Variants in PTPRD observed in about 807,000 individuals in gnomAD.
The protein encoded by PTPRD is protein tyrosine phosphatase receptor type D, also known as receptor-type tyrosine-protein phosphatase delta.
In PTPRD, 34 loss-of-function variants were observed where a neutral mutation model predicts 214.5. The ratio of observed to expected loss-of-function variants is 0.16; its 90% CI spans 0.12 to 0.21. The LOEUF is 0.21. PTPRD is among the 10% of genes least tolerant of loss of function. PTPRD has a pLI of 1.00. For missense variants in PTPRD, 2,545 were observed against 2,398.7 expected (o/e 1.06, Z -1.27); for synonymous variants, 1,128 against 845.7 (o/e 1.33, Z -5.79).
intron 12 of PTPRD, among the ~76,000 whole-genome samples, chr9:8,676,722 C>T (rs1285313107): frequency 7.9e-5 from 12 of 152,226 alleles, no homozygotes; most frequent in African/African-American, 1.4e-4. Context: ...TACAGGCATG[C>T]GCCACCATGC....
intron 9 of PTPRD, among the ~76,000 whole-genome samples, chr9:9,263,222 T>C (rs1449650753): frequency 2.0e-5 from 3 of 151,712 alleles, no homozygotes; most frequent in Non-Finnish European, 4.4e-5. Context: ...TGACTCTTTT[T>C]ATTATGTACT....
chr9:8,783,206 T>C lies in PTPRD; in HGVS notation c.-103-49260A>G, dbSNP rs180838106. On this transcript the variant is annotated intron_variant, in intron 11 of 45. Transcript: ENST00000381196. ...CATTTTAAAGTCAGAACAAAAAAAG[T>C]TCAAAATGATTGTAATTATATAAAA... Among the ~76,000 whole-genome samples the C allele has an allele frequency of 3.6e-3, 542 of 152,256 alleles. 5 individuals carry two copies. The highest frequency in any genetic ancestry group is 0.012 in the African/African-American group (499 of 41,542).
intron 8 of PTPRD, among the ~76,000 whole-genome samples, chr9:9,561,783 T>C (rs2083025856): frequency 6.6e-6 from 1 of 152,220 alleles, no homozygotes; most frequent in African/African-American, 2.4e-5. Flanking sequence ...TCACATACTT[T>C]TCTTTCTCTT....
intron 14 of PTPRD, among the ~76,000 whole-genome samples, chr9:8,581,733 C>A (rs931780289): frequency 1.4e-5 from 2 of 147,406 alleles, no homozygotes; most frequent in Admixed American, 1.4e-4. Flanking sequence ...GACGACAGAG[C>A]GAGACTCCAT....
chr9:8,933,083 A>G (rs556278979), intron 11 of PTPRD, among the ~76,000 whole-genome samples: 4 of 152,032 alleles, frequency 2.6e-5, no homozygotes, highest in African/African-American at 4.8e-5. Context: ...ACCGTTCCTC[A>G]TGGCACAGTC....
chr9:9,470,518 T>G (rs2094515192), intron 8 of PTPRD, among the ~76,000 whole-genome samples: 1 of 152,208 alleles, frequency 6.6e-6, no homozygotes, highest in African/African-American at 2.4e-5. Context: ...TTTAGTCAAC[T>G]GATAGAGTTG....
chr9:9,080,516 G>A (rs779312692), intron 10 of PTPRD, among the ~76,000 whole-genome samples: 2 of 151,860 alleles, frequency 1.3e-5, no homozygotes, highest in Non-Finnish European at 2.9e-5. Context: ...CTTTTTTGAG[G>A]TTGGTAAAAT....
At chr9:8,329,202 A>C (rs186067134) in intron 44 of PTPRD, among the ~76,000 whole-genome samples, 81 of 152,048 alleles carry the variant, frequency 5.3e-4, no homozygotes, top group African/African-American at 1.7e-3. Context: ...GGTGACCTTC[A>C]GATGGGGTCT....
chr9:9,923,901 T>A (rs747122777), intron 5 of PTPRD, among the ~76,000 whole-genome samples: 10 of 151,058 alleles, frequency 6.6e-5, no homozygotes, highest in Non-Finnish European at 1.5e-4. Flanking sequence ...AGACAGGGAG[T>A]CTTAGAGAGC....
intron 10 of PTPRD, among the ~76,000 whole-genome samples, chr9:9,132,257 C>T (rs913935841): frequency 1.6e-4 from 25 of 152,168 alleles, no homozygotes; most frequent in Admixed American, 5.9e-4. Flanking sequence ...GATCCGCCCG[C>T]TTCGGCCTCC....
At position 8,485,743 on chromosome 9, in the gene PTPRD, G is replaced by A. The variant is rs200119622; in HGVS notation, c.3055+19C>T. Reference sequence around the variant, plus strand: ...GACAATCCTTTAAAGGAGGAAGGCCGTAAGCAGACAAATCCTACCTTGATC... The same window carrying A: ...GACAATCCTTTAAAGGAGGAAGGCCATAAGCAGACAAATCCTACCTTGATC... On this transcript the variant is annotated intron_variant, in intron 28 of 45. Coordinates refer to ENST00000381196, the MANE Select transcript of PTPRD (RefSeq NM_002839.4). 7.5e-4 allele frequency: 1,185 copies of A among 1,587,176 alleles called. No individual in the cohort carries two copies. Among genetic ancestry groups the A allele is most frequent in the African/African-American group, 1.7e-3 (127 of 74,352 alleles).
intron 39 of PTPRD, among the ~76,000 whole-genome samples, chr9:8,366,758 G>A (rs2079997868): frequency 1.3e-5 from 2 of 152,164 alleles, no homozygotes; most frequent in Admixed American, 1.3e-4. Context: ...GGGGCTTATT[G>A]TTTGGAACTG....
At chr9:9,181,059 G>C (rs1373839573) in intron 10 of PTPRD, among the ~76,000 whole-genome samples, 1 of 152,026 alleles carries the variant, frequency 6.6e-6, no homozygotes, top group Non-Finnish European at 1.5e-5. Context: ...GAAAGGTTTA[G>C]GTTGGAGTTC....
chr9:9,683,221 G>A (rs2097107234), intron 7 of PTPRD, among the ~76,000 whole-genome samples: 1 of 151,748 alleles, frequency 6.6e-6, no homozygotes, highest in Admixed American at 6.6e-5. Flanking sequence ...GTGACCTGTT[G>A]TTAATTAAGA....
At chr9:10,047,000 A>C (rs1256703185) in intron 3 of PTPRD, among the ~76,000 whole-genome samples, 2 of 151,980 alleles carry the variant, frequency 1.3e-5, no homozygotes, top group African/African-American at 2.4e-5. Context: ...ATTCAATTTT[A>C]AATGCCAAGG....
intron 5 of PTPRD, among the ~76,000 whole-genome samples, chr9:9,851,044 T>A (rs1470362517): frequency 6.6e-6 from 1 of 152,206 alleles, no homozygotes; most frequent in East Asian, 1.9e-4. Flanking sequence ...TAACTTCAGA[T>A]TCTTTATCTG....
intron 3 of PTPRD, among the ~76,000 whole-genome samples, chr9:10,098,244 C>CA (rs1302848980): frequency 1.4e-5 from 2 of 146,674 alleles, no homozygotes; most frequent in African/African-American, 2.5e-5. Flanking sequence ...ATCGCAAGGA[C>CA]AAAAAACCAA....
chr9:10,000,950 T>G (rs1473005513), intron 4 of PTPRD, among the ~76,000 whole-genome samples: 1 of 152,194 alleles, frequency 6.6e-6, no homozygotes, highest in African/African-American at 2.4e-5. Context: ...ACCAATCCAC[T>G]GGGCCGTATG....
At chr9:8,443,982 G>T (rs955828755) in intron 34 of PTPRD, among the ~76,000 whole-genome samples, 2 of 151,992 alleles carry the variant, frequency 1.3e-5, no homozygotes, top group African/African-American at 4.8e-5. Context: ...AAAGGCCATG[G>T]GCCAGAGGGT....
Sources: allele counts gnomAD v4.1 joint callset (sites outside exome capture counted in the v4.1 genomes callset), GRCh38; gene constraint gnomAD v4.1.1; transcripts MANE v1.5; gene names NCBI Gene and HGNC (gene_info 2026-07-23, HGNC 2026-07-21).